The following TANC1 variants were observed in gnomAD, a reference collection of about 807,000 sequenced individuals.
TANC1 encodes tetratricopeptide repeat, ankyrin repeat and coiled-coil containing 1, also known as protein TANC1.
In TANC1, 77 loss-of-function variants were observed where a neutral mutation model predicts 149.7. That is an observed-to-expected ratio of 0.51 (90% CI 0.43 to 0.62). TANC1 has a LOEUF of 0.62. Ranked by LOEUF, TANC1 falls within the 20% of genes least tolerant of loss-of-function variation. TANC1 has a pLI of 0.00. For synonymous variants in TANC1, 854 were observed against 925.0 expected, an observed-to-expected ratio of 0.92 and a Z score of 1.39; for missense variants, 1,985 against 2,321.8, an observed-to-expected ratio of 0.85 and a Z score of 2.98.
chr2:159,035,665 G>A (rs1263812027), intron 2 of TANC1, among the ~76,000 whole-genome samples: 1 of 152,108 alleles, frequency 6.6e-6, no homozygotes, highest in Non-Finnish European at 1.5e-5. Context: ...TAAAACCCAT[G>A]TAGGACCAAA....
At chr2:158,996,783 G>A (rs1465776077) in intron 1 of TANC1, among the ~76,000 whole-genome samples, 1 of 152,200 alleles carries the variant, frequency 6.6e-6, no homozygotes, top group Non-Finnish European at 1.5e-5. Context: ...CATAAGTATT[G>A]TAGTACTAAG....
In TANC1 at chr2:159,230,176, G is replaced by A; in HGVS notation, c.4750G>A (p.Gly1584Arg). Residue 1584 changes from glycine to arginine, a missense_variant, in exon 27 of 27, where the codon GGA becomes AGA. Gly to Arg is a moderately radical substitution (Grantham distance 125). Coordinates refer to ENST00000263635, the MANE Select transcript of TANC1 (RefSeq NM_033394.3). This position sits in a 1 kb window ranked among gnomAD's most constrained non-coding sequence, Gnocchi z 4.4. ...TGGGAGCAGAACCCAGCATTTAGAG[G>A]GAACAGGTACTTTCACTACAAGAGC... is the stretch of plus-strand genomic sequence containing the variant. ...PAGSRTQHLE[G>R]TGTFTTRAGC... 6.2e-7 allele frequency: 1 copy of A among 1,614,088 alleles called. No homozygotes were observed. Among genetic ancestry groups the A allele is most frequent in the Non-Finnish European group, 8.5e-7 (1 of 1,180,028 alleles).
At chr2:159,075,503 A>G (rs1415288470) in intron 3 of TANC1, among the ~76,000 whole-genome samples, 1 of 152,006 alleles carries the variant, frequency 6.6e-6, no homozygotes, top group Non-Finnish European at 1.5e-5. Flanking sequence ...TTGAGCCTGG[A>G]AAGTCGAGGT....
chr2:159,075,250 A>G (rs911669130), intron 3 of TANC1, among the ~76,000 whole-genome samples: 3 of 152,122 alleles, frequency 2.0e-5, no homozygotes, highest in Non-Finnish European at 2.9e-5. Flanking sequence ...TCCATGCCTA[A>G]TATTTATATA....
Position 159,163,487 on chromosome 2 carries a change from C to T in TANC1, c.887C>T (p.Pro296Leu). 1.9e-6 allele frequency: 3 copies of T among 1,613,636 alleles called. No homozygotes were observed. The highest frequency in any genetic ancestry group is 2.5e-6 in the Non-Finnish European group (3 of 1,179,972). The change falls in exon 8 of 27, where the codon CCA (proline) becomes CTA (leucine). Residue 296 changes from proline to leucine, a missense_variant. Around this residue, in one of 3 missense-constraint regions of TANC1, gnomAD observed 557 missense variants for 612.9 expected, o/e 0.91. Coordinates refer to ENST00000263635, the MANE Select transcript of TANC1 (RefSeq NM_033394.3). ...PKAESSAGDG[P>L]VPYSQGSSSL... ...GCAGAATCCTCAGCTGGAGATGGTC[C>T]AGTCCCTTATTCTCAGGGCTCCAGC...
intron 4 of TANC1, among the ~76,000 whole-genome samples, chr2:159,121,608 G>A (rs753937948): frequency 2.6e-5 from 4 of 152,230 alleles, no homozygotes; most frequent in African/African-American, 9.6e-5. Context: ...AGGATTGTGA[G>A]CCACTACGCC....
chr2:159,224,078 C>T (rs1430417172), intron 22 of TANC1, among the ~76,000 whole-genome samples, 154 bp from the exon 23 acceptor site: 3 of 152,226 alleles, frequency 2.0e-5, no homozygotes, highest in African/African-American at 4.8e-5. Flanking sequence ...AGCTCCTCTT[C>T]TCTGTTTCGT....
At chr2:159,168,291 G>T (rs995684627) in intron 8 of TANC1, among the ~76,000 whole-genome samples, 10 of 138,396 alleles carry the variant, frequency 7.2e-5, no homozygotes, top group Non-Finnish European at 4.6e-5. Flanking sequence ...TGTTTGAATA[G>T]ATCTTTAATT....
intron 14 of TANC1, among the ~76,000 whole-genome samples, chr2:159,179,667 A>C (rs748993657): frequency 6.6e-6 from 1 of 152,118 alleles, no homozygotes; most frequent in Non-Finnish European, 1.5e-5. Flanking sequence ...CAGAGGGAGC[A>C]CCATGATCCA....
intron 2 of TANC1, among the ~76,000 whole-genome samples, chr2:159,043,401 C>T (rs6432512): frequency 0.12 from 18,459 of 151,950 alleles, 2,031 homozygotes; most frequent in African/African-American, 0.29. Context: ...AGACCAGGGA[C>T]GTGCTCATAG....
intron 1 of TANC1, among the ~76,000 whole-genome samples, chr2:158,984,916 G>A (rs1466617393): frequency 6.6e-6 from 1 of 152,226 alleles, no homozygotes; most frequent in African/African-American, 2.4e-5. Context: ...GATTGCAAAG[G>A]CCTTGCATGC....
At chr2:159,177,744 G>A (rs1350833913) in intron 13 of TANC1, among the ~76,000 whole-genome samples, 2 of 152,158 alleles carry the variant, frequency 1.3e-5, no homozygotes, top group Admixed American at 6.5e-5. Flanking sequence ...ACAATAGTGG[G>A]AAGTCTTTTT....
intron 2 of TANC1, among the ~76,000 whole-genome samples, chr2:159,060,359 A>C (rs1196827040): frequency 1.3e-5 from 2 of 152,114 alleles, no homozygotes; most frequent in African/African-American, 4.8e-5. Context: ...GCGTGCACAG[A>C]GTATGTGTGT....
chr2:159,004,718 A>G (rs2036970888), intron 2 of TANC1, among the ~76,000 whole-genome samples: 2 of 151,774 alleles, frequency 1.3e-5, no homozygotes, highest in Admixed American at 1.3e-4. Context: ...AAAACTTTAC[A>G]AAACAAACAA....
intron 4 of TANC1, among the ~76,000 whole-genome samples, chr2:159,113,340 A>C (rs898438137): frequency 6.6e-6 from 1 of 152,240 alleles, no homozygotes; most frequent in Non-Finnish European, 1.5e-5. Flanking sequence ...ATTGTATTGT[A>C]GGAGGACAGA....
chr2:159,124,242 G>C (rs1309341060), intron 4 of TANC1, among the ~76,000 whole-genome samples: 1 of 152,130 alleles, frequency 6.6e-6, no homozygotes, highest in African/African-American at 2.4e-5. Context: ...TCTGTAGGAG[G>C]CTGAGGCATA....
chr2:159,110,689 A>T (rs182428818), intron 4 of TANC1, among the ~76,000 whole-genome samples: 110 of 152,328 alleles, frequency 7.2e-4, no homozygotes, highest in African/African-American at 2.6e-3. Context: ...TGTAGACTGT[A>T]AAGTGTAGGG....
chr2:159,163,328 G>T lies in TANC1; in HGVS notation c.728G>T (p.Ser243Ile), dbSNP rs754972747. 1.2e-6 allele frequency: 2 copies of T among 1,614,176 alleles called. No individual in the cohort carries two copies. Reference protein sequence around the residue: ...SSENDDRSGSSLEWNKDGNLR... With the variant: ...SSENDDRSGSILEWNKDGNLR... ...GAAAATGATGACCGGAGTGGCTCCA[G>T]TTTGGAATGGAATAAAGATGGAAAC... Residue 243 changes from serine (S) to isoleucine (I), a missense_variant, in exon 8 of 27, where the codon AGT becomes ATT. Ser to Ile is a moderately radical substitution (Grantham distance 142). Transcript: ENST00000263635.
intron 4 of TANC1, 131 bp downstream of exon 4, chr2:159,097,965 T>A: frequency 2.7e-6 from 2 of 750,270 alleles, no homozygotes; most frequent in Non-Finnish European, 4.1e-6. Flanking sequence ...CTAGAAGAAA[T>A]AAATCTTTTT....
Sources: allele counts gnomAD v4.1 joint callset (sites outside exome capture counted in the v4.1 genomes callset), GRCh38; gene constraint gnomAD v4.1.1; regional missense constraint gnomAD v4.1.1; non-coding constraint Gnocchi (gnomAD v3.1); transcripts MANE v1.5; gene names NCBI Gene and HGNC (gene_info 2026-07-23, HGNC 2026-07-21).